Variants in SH3BGR observed in about 807,000 individuals in gnomAD.
SH3BGR encodes the protein SH3 domain-binding glutamic acid-rich protein.
In SH3BGR, 29 loss-of-function variants were observed where a neutral mutation model predicts 24.5. That is an observed-to-expected ratio of 1.18 (90% confidence interval 0.88 to 1.61). SH3BGR has a LOEUF of 1.61. SH3BGR is among the 40% of genes most tolerant of loss of function. The pLI, the probability that SH3BGR is intolerant of heterozygous loss-of-function variation, is 0.00. For synonymous variants in SH3BGR, 55 were observed against 65.7 expected, an observed-to-expected ratio of 0.84 and a Z score of 0.79; for missense variants, 162 against 205.8, an observed-to-expected ratio of 0.79 and a Z score of 1.30.
intron 1 of SH3BGR, among the ~76,000 whole-genome samples, chr21:39,461,829 A>G (rs1224861149): frequency 6.6e-6 from 1 of 152,090 alleles, no homozygotes; most frequent in Non-Finnish European, 1.5e-5. Context: ...TTGATTATAC[A>G]ATAATTAATT....
At chr21:39,498,629 G>T (rs2078437496) in intron 3 of SH3BGR, among the ~76,000 whole-genome samples, 1 of 152,182 alleles carries the variant, frequency 6.6e-6, no homozygotes, top group African/African-American at 2.4e-5. Flanking sequence ...ACCCAAGGAA[G>T]CATCGTCCCT....
At chr21:39,482,842 G>A (rs978403042) in intron 3 of SH3BGR, among the ~76,000 whole-genome samples, 2 of 152,226 alleles carry the variant, frequency 1.3e-5, no homozygotes, top group Admixed American at 6.5e-5. Flanking sequence ...GCTAATTTTT[G>A]TATTTTTAGT....
At chr21:39,472,128 T>C (rs1602101136) in intron 2 of SH3BGR, among the ~76,000 whole-genome samples, 1 of 152,308 alleles carries the variant, frequency 6.6e-6, no homozygotes, top group East Asian at 1.9e-4. Flanking sequence ...TTAAAAACTT[T>C]ATTAGTGGCT....
intron 3 of SH3BGR, among the ~76,000 whole-genome samples, chr21:39,497,391 T>C (rs1174003865): frequency 6.6e-6 from 1 of 151,706 alleles, no homozygotes; most frequent in Non-Finnish European, 1.5e-5. Flanking sequence ...GGATTAAAGC[T>C]CTAGATATTA....
At chr21:39,504,285 A>C (rs1320100122) in intron 4 of SH3BGR, among the ~76,000 whole-genome samples, 1 of 152,168 alleles carries the variant, frequency 6.6e-6, no homozygotes, top group East Asian at 1.9e-4. Flanking sequence ...GGGAGGAGTC[A>C]TGGGTCTCAG....
chr21:39,512,434 CTTCTGGTT>C (rs2078712285), intron 6 of SH3BGR, among the ~76,000 whole-genome samples: 1 of 152,146 alleles, frequency 6.6e-6, no homozygotes, highest in African/African-American at 2.4e-5. Context: ...CTCTTGCTGC[CTTCTGGTT>C]TTAAACTTCC....
intron 3 of SH3BGR, among the ~76,000 whole-genome samples, chr21:39,495,016 A>G (rs1162578347): frequency 6.6e-6 from 1 of 150,936 alleles, no homozygotes; most frequent in African/African-American, 2.4e-5. Flanking sequence ...CATATATTGT[A>G]TTTTTCAATT....
intron 1 of SH3BGR, among the ~76,000 whole-genome samples, chr21:39,461,656 T>C (rs2148460110): frequency 6.6e-6 from 1 of 152,286 alleles, no homozygotes. Flanking sequence ...TGGCCGCCTG[T>C]GATTGGCTGA....
chr21:39,461,348 G>A (rs1315863198), intron 1 of SH3BGR, among the ~76,000 whole-genome samples: 2 of 152,026 alleles, frequency 1.3e-5, no homozygotes, highest in African/African-American at 2.4e-5. Context: ...TGTTGGTCAG[G>A]CTGGTCTTGA....
intron 3 of SH3BGR, among the ~76,000 whole-genome samples, chr21:39,479,999 T>G (rs1221775035): frequency 1.3e-5 from 2 of 152,216 alleles, no homozygotes; most frequent in Non-Finnish European, 1.5e-5. Flanking sequence ...TGTTTTCAGC[T>G]TCTCATGATT....
chr21:39,449,505 T>G (rs1209295403), upstream of SH3BGR, among the ~76,000 whole-genome samples: 2 of 152,240 alleles, frequency 1.3e-5, no homozygotes, highest in Admixed American at 1.3e-4. Flanking sequence ...AAGATGCATT[T>G]GGAATGTTCG....
intron 3 of SH3BGR, among the ~76,000 whole-genome samples, chr21:39,480,094 C>T (rs993258683): frequency 1.3e-5 from 2 of 152,142 alleles, no homozygotes; most frequent in Admixed American, 1.3e-4. Context: ...AATTTCTTTC[C>T]ATATGTTGGT....
chr21:39,501,656 T>G (rs1335321475), intron 4 of SH3BGR, among the ~76,000 whole-genome samples: 3 of 152,248 alleles, frequency 2.0e-5, no homozygotes, highest in Admixed American at 6.5e-5. Flanking sequence ...CACATGCTCT[T>G]TGATTTACTT....
intron 3 of SH3BGR, among the ~76,000 whole-genome samples, chr21:39,481,590 A>G (rs977537466): frequency 3.3e-5 from 5 of 152,218 alleles, no homozygotes; most frequent in Admixed American, 2.6e-4. Flanking sequence ...TAGAAAACCT[A>G]TCTACGCTTA....
chr21:39,459,662 G>C (rs1044361385), intron 1 of SH3BGR, among the ~76,000 whole-genome samples: 4 of 152,028 alleles, frequency 2.6e-5, no homozygotes, highest in African/African-American at 9.7e-5. Flanking sequence ...GAGTAGCTGG[G>C]ACTACAGGCA....
intron 3 of SH3BGR, among the ~76,000 whole-genome samples, chr21:39,476,250 G>A (rs1239313483): frequency 6.6e-6 from 1 of 152,120 alleles, no homozygotes; most frequent in Non-Finnish European, 1.5e-5. Flanking sequence ...GAGGAGCTTG[G>A]CTCTTTACAG....
chr21:39,478,635 CT>C (rs1328344456), intron 3 of SH3BGR, among the ~76,000 whole-genome samples: 1 of 152,084 alleles, frequency 6.6e-6, no homozygotes, highest in African/African-American at 2.4e-5. Context: ...ACTTTCTTTT[CT>C]TTTTGGAATT....
chr21:39,473,888 A>T (rs1355771117), intron 2 of SH3BGR, among the ~76,000 whole-genome samples: 4 of 151,262 alleles, frequency 2.6e-5, no homozygotes, highest in Non-Finnish European at 4.4e-5. Flanking sequence ...CTGTCTCAAA[A>T]AAAAAAACAA....
intron 3 of SH3BGR, among the ~76,000 whole-genome samples, chr21:39,480,859 A>G (rs1194944796): frequency 6.6e-6 from 1 of 152,174 alleles, no homozygotes; most frequent in Non-Finnish European, 1.5e-5. Flanking sequence ...CTGTTTAACA[A>G]CCACTACACT....
Sources: gnomAD v4.1 joint callset for allele counts (sites outside exome capture counted in the v4.1 genomes callset) on GRCh38, gnomAD v4.1.1 for gene constraint, MANE v1.5 for transcripts, NCBI Gene and HGNC (gene_info 2026-07-23, HGNC 2026-07-21) for gene names.